The following KPNA1 variants were observed in gnomAD, a reference collection of about 807,000 sequenced individuals.
The protein encoded by KPNA1 is importin subunit alpha-5.
Under a neutral mutation model 70.5 loss-of-function variants are expected in KPNA1, and 10 were observed. The ratio of observed to expected loss-of-function variants is 0.14; its 90% CI spans 0.09 to 0.24. The LOEUF (loss-of-function observed/expected upper bound fraction) is 0.24. KPNA1 is among the 10% of genes least tolerant of loss of function. KPNA1 has a pLI of 1.00. For synonymous variants in KPNA1, 192 were observed against 221.9 expected, an observed-to-expected ratio of 0.87 and a Z score of 1.20; for missense variants, 397 against 637.9, an observed-to-expected ratio of 0.62 and a Z score of 4.07.
At chr3:122,493,438 G>C (rs1027983190) in intron 2 of KPNA1, among the ~76,000 whole-genome samples, 1 of 151,908 alleles carries the variant, frequency 6.6e-6, no homozygotes, top group African/African-American at 2.4e-5. Flanking sequence ...ACGAGTTAGA[G>C]TGGAGGAAGA....
Position 122,426,932 on chromosome 3 carries a change from G to T in KPNA1, c.*53C>A. On this transcript the variant is annotated 3_prime_UTR_variant, in exon 14 of 14. Coordinates refer to ENST00000344337, the MANE Select transcript of KPNA1 (RefSeq NM_002264.4). ...ATGAGGACTGTGGGCTCCACAAGAG[G>T]ACTCGACTGGGTAGCCTGGTCTGAC... 1 of 1,439,458 alleles carries T rather than the reference G, an allele frequency of 6.9e-7. No homozygotes were observed. The highest frequency in any genetic ancestry group is 1.2e-5 in the South Asian group (1 of 84,810). 89.2% of individuals were successfully genotyped at this position (1,439,458 alleles called of 1,614,324 possible).
intron 10 of KPNA1, among the ~76,000 whole-genome samples, chr3:122,438,003 A>G (rs1218449804): frequency 6.6e-6 from 1 of 152,218 alleles, no homozygotes; most frequent in Non-Finnish European, 1.5e-5. Context: ...TAAACAGATT[A>G]AAGACAATTT....
chr3:122,447,971 C>G (rs1237556814), intron 9 of KPNA1, among the ~76,000 whole-genome samples: 1 of 151,986 alleles, frequency 6.6e-6, no homozygotes, highest in Non-Finnish European at 1.5e-5. Flanking sequence ...AGACACTTCT[C>G]AAAAGAAGAC....
intron 12 of KPNA1, among the ~76,000 whole-genome samples, chr3:122,431,884 A>C (rs576179077): frequency 2.0e-5 from 3 of 151,692 alleles, no homozygotes; most frequent in Admixed American, 6.6e-5. Flanking sequence ...GCTCACTGCA[A>C]CCTCTGCCTC....
chr3:122,497,414 G>T (rs985395977), intron 1 of KPNA1, among the ~76,000 whole-genome samples: 1 of 152,184 alleles, frequency 6.6e-6, no homozygotes, highest in Non-Finnish European at 1.5e-5. Flanking sequence ...GTTTTACACA[G>T]ATATGTTTTA....
intron 2 of KPNA1, among the ~76,000 whole-genome samples, chr3:122,487,824 T>C (rs1288008426): frequency 6.6e-6 from 1 of 152,188 alleles, no homozygotes; most frequent in Non-Finnish European, 1.5e-5. Flanking sequence ...AAGTTCTAGA[T>C]ATATGTTATA....
chr3:122,433,645 C>A lies in KPNA1; in HGVS notation c.1250+16G>T. 1 of 1,575,852 alleles carries A rather than the reference C, an allele frequency of 6.3e-7. No homozygotes were observed. The highest frequency in any genetic ancestry group is 8.6e-7 in the Non-Finnish European group (1 of 1,165,304). On this transcript the variant is annotated intron_variant, in intron 12 of 13. Coordinates refer to ENST00000344337, the MANE Select transcript of KPNA1 (RefSeq NM_002264.4). ...TTTTTCTTTAACTTACAATATGCTG[C>A]CTGATTGGTACTTACTTGATCTGTT...
intron 5 of KPNA1, among the ~76,000 whole-genome samples, chr3:122,455,820 T>C (rs951158728): frequency 1.1e-4 from 17 of 152,106 alleles, no homozygotes; most frequent in Admixed American, 1.3e-4. Flanking sequence ...CCTCCCAAAG[T>C]GCTGGGATTA....
At chr3:122,449,508 T>C in intron 9 of KPNA1, 66 bp downstream of exon 9, 1 of 1,232,776 alleles carries the variant, frequency 8.1e-7, no homozygotes, top group South Asian at 1.4e-5. Flanking sequence ...AATATTTAAG[T>C]ATTAGCAGCT....
chr3:122,452,793 GAGAA>G (rs912613696), intron 6 of KPNA1, among the ~76,000 whole-genome samples: 8 of 151,756 alleles, frequency 5.3e-5, no homozygotes, highest in South Asian at 2.1e-4. Context: ...GAGAGACGGA[GAGAA>G]AGAAAGACGG....
At chr3:122,455,947 A>C (rs1358861748) in intron 5 of KPNA1, among the ~76,000 whole-genome samples, 1 of 152,182 alleles carries the variant, frequency 6.6e-6, no homozygotes, top group Non-Finnish European at 1.5e-5. Flanking sequence ...TTGTGTACAA[A>C]TGAGGAAACT....
At chr3:122,508,492 C>T (rs2076916230) in intron 1 of KPNA1, among the ~76,000 whole-genome samples, 1 of 152,200 alleles carries the variant, frequency 6.6e-6, no homozygotes, top group Admixed American at 6.5e-5. Context: ...TCAGTAATCC[C>T]TTCAAATGGG....
chr3:122,504,659 C>T (rs769355949), intron 1 of KPNA1, among the ~76,000 whole-genome samples: 13 of 152,228 alleles, frequency 8.5e-5, no homozygotes, highest in Middle Eastern at 3.4e-3. Flanking sequence ...CGTGTGTCTG[C>T]GCACACGCAT....
chr3:122,439,187 CTATTT>C (rs749597990), intron 10 of KPNA1, among the ~76,000 whole-genome samples: 1 of 152,080 alleles, frequency 6.6e-6, no homozygotes, highest in East Asian at 1.9e-4. Flanking sequence ...ACTACTGAGG[CTATTT>C]TATTTTAAGA....
At chr3:122,514,496 CGCCTA>C (rs2076994636) in intron 1 of KPNA1, 1 of 152,390 alleles carries the variant, frequency 6.6e-6, no homozygotes, top group African/African-American at 2.4e-5. Flanking sequence ...CGCCCCGCCC[CGCCTA>C]GCCTCGACCG....
chr3:122,502,432 C>T (rs2076839537), intron 1 of KPNA1, among the ~76,000 whole-genome samples: 1 of 152,196 alleles, frequency 6.6e-6, no homozygotes, highest in African/African-American at 2.4e-5. Flanking sequence ...CTGAGAGATA[C>T]AGAGAAAGGC....
At chr3:122,429,395 C>T (rs1342408483) in intron 12 of KPNA1, among the ~76,000 whole-genome samples, 2 of 135,890 alleles carry the variant, frequency 1.5e-5, no homozygotes, top group African/African-American at 2.8e-5. Flanking sequence ...TTGCAGGAGC[C>T]GAGACCGTGC....
intron 11 of KPNA1, among the ~76,000 whole-genome samples, chr3:122,436,596 C>T (rs1006242358): frequency 3.9e-5 from 6 of 152,078 alleles, no homozygotes; most frequent in African/African-American, 1.2e-4. Context: ...GAGGTGGTTC[C>T]CCTGATAACT....
At chr3:122,438,171 G>T (rs2076014221) in intron 10 of KPNA1, among the ~76,000 whole-genome samples, 2 of 152,114 alleles carry the variant, frequency 1.3e-5, no homozygotes, top group Non-Finnish European at 1.5e-5. Context: ...CATCCCCATG[G>T]TTCTGTTCTA....
Sources: gnomAD v4.1 joint callset for allele counts (sites outside exome capture counted in the v4.1 genomes callset) on GRCh38, gnomAD v4.1.1 for gene constraint, MANE v1.5 for transcripts, NCBI Gene and HGNC (gene_info 2026-07-23, HGNC 2026-07-21) for gene names.